ACOX3: variants seen among roughly 807,000 people sequenced by gnomAD.
The protein encoded by ACOX3 is acyl-CoA oxidase 3, pristanoyl.
ACOX3 carries 73 observed loss-of-function variants against 81.5 expected under a neutral mutation model. The observed-to-expected ratio is 0.90, with a 90% CI of 0.74 to 1.09. The LOEUF is 1.09. Ranked by LOEUF, ACOX3 falls within the 50% of genes least tolerant of loss-of-function variation. The pLI is 0.00. For missense variants in ACOX3, 947 were observed against 928.0 expected, an observed-to-expected ratio of 1.02 and a Z score of -0.27; for synonymous variants, 387 against 375.1, an observed-to-expected ratio of 1.03 and a Z score of -0.37.
chr4:8,439,768 G>A (rs963707824), intron 1 of ACOX3, among the ~76,000 whole-genome samples: 4 of 152,158 alleles, frequency 2.6e-5, no homozygotes, highest in African/African-American at 9.7e-5. Flanking sequence ...CTATCACTCT[G>A]TCTCCCAAAG....
In ACOX3 at chr4:8,366,849, G is replaced by C. The variant is rs1715508251; in HGVS notation, c.*112C>G. 1.4e-6 allele frequency: 2 copies of C among 1,468,742 alleles called. No homozygotes were observed. Among genetic ancestry groups the C allele is most frequent in the Admixed American group, 1.8e-5 (1 of 56,138 alleles). 91.0% of individuals were successfully genotyped at this position (1,468,742 alleles called of 1,614,324 possible). ...ATCAGCAGTTTAGGCGCACAGGTGC[G>C]GGCTCAGAAAGCAGCAGCAATCTCC... On this transcript the variant is annotated 3_prime_UTR_variant, in exon 18 of 18. Coordinates refer to ENST00000356406, the MANE Select transcript of ACOX3 (RefSeq NM_003501.3).
Position 8,367,001 on chromosome 4 carries a change from A to G in ACOX3, c.2063T>C (p.Val688Ala), listed in dbSNP as rs767393082. The G allele has an allele frequency of 4.3e-6, 7 of 1,614,158 alleles. No individual in the cohort carries two copies. In the South Asian group the frequency reaches 7.7e-5, roughly 18 times the overall value. ...CAGACTTCCTATGACAGGTTTGTTC[A>G]CAGAAAACTCTGGCCACCAGGATGC... ...ERASWWPEFS[V>A]NKPVIGSLKS... The change falls in exon 18 of 18, where the codon GTG (valine) becomes GCG (alanine). Residue 688 changes from valine (V) to alanine (A), a missense_variant. Physicochemically the swap from Val to Ala is moderately conservative, Grantham distance 64 (BLOSUM62 0). Transcript: ENST00000356406.
At chr4:8,391,738 G>T (rs765782774) in intron 11 of ACOX3, among the ~76,000 whole-genome samples, 29 of 152,198 alleles carry the variant, frequency 1.9e-4, no homozygotes, top group Non-Finnish European at 3.8e-4. Context: ...ACTGAGCACA[G>T]TGAGGTTAAG....
At chr4:8,371,239 A>C (rs1447179527) in intron 16 of ACOX3, among the ~76,000 whole-genome samples, 3 of 152,220 alleles carry the variant, frequency 2.0e-5, no homozygotes, top group African/African-American at 7.2e-5. Flanking sequence ...CTTCCCAACA[A>C]GGTAGAAAAG....
chr4:8,395,516 C>T lies in ACOX3; in HGVS notation c.1057-774G>A, dbSNP rs561325000. On this transcript the variant is annotated intron_variant, in intron 9 of 17. Coordinates refer to ENST00000356406, the MANE Select transcript of ACOX3 (RefSeq NM_003501.3). ...TGTCAAGAGTGCTGAGCAGACATGGCGCCAGCTGCCTCCATGCCCTAACTT... is the reference window on the plus strand; with the variant it reads ...TGTCAAGAGTGCTGAGCAGACATGGTGCCAGCTGCCTCCATGCCCTAACTT... Among the ~76,000 whole-genome samples the T allele has an allele frequency of 1.9e-4, 29 of 152,342 alleles. 1 individual carries two copies. Among genetic ancestry groups the T allele is most frequent in the African/African-American group, 7.0e-4 (29 of 41,578 alleles).
intron 14 of ACOX3, among the ~76,000 whole-genome samples, chr4:8,377,869 C>A (rs368000436): frequency 1.3e-5 from 2 of 152,212 alleles, no homozygotes; most frequent in African/African-American, 4.8e-5. Context: ...CCCACAGCTA[C>A]GGTTAGGGCT....
rs941230195 is a variant in ACOX3, at chr4:8,394,884, G to A, written c.1057-142C>T. On this transcript the variant is annotated intron_variant, in intron 9 of 17. Coordinates refer to ENST00000356406, the MANE Select transcript of ACOX3 (RefSeq NM_003501.3). The surrounding 1 kb of genome is among the most constrained non-coding windows in gnomAD (Gnocchi z 5.9). The stretch of plus-strand genomic sequence containing the variant: ...GCTGAAGGTCTTCACATGTCTTCCC[G>A]GCACATCAGAAAGCCTTCACCCTGA... The A allele has an allele frequency of 2.1e-5, 24 of 1,155,552 alleles. No individual in the cohort carries two copies. Among genetic ancestry groups the A allele is most frequent in the Non-Finnish European group, 2.4e-5 (20 of 847,874 alleles). 71.6% of individuals were successfully genotyped at this position (1,155,552 alleles called of 1,614,324 possible). A position where few individuals can be genotyped will look rare whatever the true frequency, so the allele number is the denominator to read the frequency against.
At chr4:8,390,513 A>G (rs1568694) in intron 11 of ACOX3, among the ~76,000 whole-genome samples, 18,849 of 152,206 alleles carry the variant, frequency 0.12, 1,913 homozygotes, top group African/African-American at 0.28. Context: ...CCCCAGGGCT[A>G]CCCTTCTTCC....
At chr4:8,361,104 T>G in the ACOX3 span, among the ~76,000 whole-genome samples, 1 of 152,178 alleles carries the variant, frequency 6.6e-6, no homozygotes, top group African/African-American at 2.4e-5. Flanking sequence ...AAATGTGGAT[T>G]TTTCTTACCT....
chr4:8,422,517 C>T (rs1723056467), intron 1 of ACOX3, among the ~76,000 whole-genome samples: 1 of 152,112 alleles, frequency 6.6e-6, no homozygotes, highest in South Asian at 2.1e-4. Flanking sequence ...GAGGAGCAGG[C>T]AGAACAGGAC....
intron 1 of ACOX3, 84 bp downstream of exon 1, chr4:8,440,564 C>G: frequency 2.3e-6 from 1 of 442,758 alleles, no homozygotes; most frequent in Non-Finnish European, 3.9e-6. Context: ...TCCACACCCG[C>G]TGGCTGGCTG....
In ACOX3 at chr4:8,374,746, T is replaced by C. The variant is rs141867556; in HGVS notation, c.1828+232A>G. 483 of 442,862 alleles carry C rather than the reference T, an allele frequency of 1.1e-3. 5 individuals are homozygous for C. In the East Asian group the frequency reaches 0.015, roughly 14 times the overall value. The allele number at this position is 442,862 out of a possible 1,614,324, so 27.4% of individuals were successfully genotyped here. ...GAGGGGGCCTTCTGGAAGTGTTCTC[T>C]GAACCGAACCCCAAGTGAAAGAAAA... On this transcript the variant is annotated intron_variant, in intron 15 of 17. Coordinates refer to ENST00000356406, the MANE Select transcript of ACOX3 (RefSeq NM_003501.3).
chr4:8,371,135 G>A (rs1320175916), intron 16 of ACOX3, 141 bp from the exon 17 acceptor site: 13 of 696,866 alleles, frequency 1.9e-5, no homozygotes, highest in Admixed American at 4.3e-5. Context: ...CTGCCCATGC[G>A]TGATCTCTTC....
chr4:8,437,628 G>A lies in ACOX3; in HGVS notation c.-15+3020C>T, dbSNP rs931995504. On this transcript the variant is annotated intron_variant, in intron 1 of 17. Coordinates refer to ENST00000356406, the MANE Select transcript of ACOX3 (RefSeq NM_003501.3). The surrounding 1 kb of genome is among the most constrained non-coding windows in gnomAD (Gnocchi z 5.2). ...TAGCAATGCGAGAGGACGTGGACACGGATGTAGACGTGGAAGAAGTCAAGT... is the reference window on the plus strand; with the variant it reads ...TAGCAATGCGAGAGGACGTGGACACAGATGTAGACGTGGAAGAAGTCAAGT... Among the ~76,000 whole-genome samples the A allele has an allele frequency of 9.9e-5, 15 of 152,250 alleles. No individual in the cohort carries two copies. Among genetic ancestry groups the A allele is most frequent in the Non-Finnish European group, 1.6e-4 (11 of 68,044 alleles).
In ACOX3 at chr4:8,399,551, T is replaced by C. The variant is rs775897649; in HGVS notation, c.873+5A>G. The stretch of plus-strand genomic sequence containing the variant: ...CGGCACACGAACGGCCCCCCATGCC[T>C]GTACCTTAAAGGGGCTGACATAGGT... On this transcript the variant is annotated splice_donor_5th_base_variant and intron_variant, in intron 8 of 17. Coordinates refer to ENST00000356406, the MANE Select transcript of ACOX3 (RefSeq NM_003501.3). The surrounding 1 kb of genome is among the most constrained non-coding windows in gnomAD (Gnocchi z 4.9). 1 of 1,611,290 alleles carries C rather than the reference T, an allele frequency of 6.2e-7. No homozygotes were observed. The highest frequency in any genetic ancestry group is 1.1e-5 in the South Asian group (1 of 91,012).
At chr4:8,390,573 C>T (rs1241362353) in intron 11 of ACOX3, among the ~76,000 whole-genome samples, 1 of 152,240 alleles carries the variant, frequency 6.6e-6, no homozygotes, top group African/African-American at 2.4e-5. Context: ...TTCAAGATAA[C>T]TGTTTTTTGT....
Position 8,414,289 on chromosome 4 carries a change from T to G in ACOX3, c.543+3A>C. The stretch of plus-strand genomic sequence containing the variant: ...CAGGGACCCGGGGGAAGGTAATACC[T>G]ACCTCAGTGGCAGGATCGTAGTGGG... On this transcript the variant is annotated splice_donor_region_variant and intron_variant, in intron 5 of 17. Coordinates refer to ENST00000356406, the MANE Select transcript of ACOX3 (RefSeq NM_003501.3). The surrounding 1 kb of genome is among the most constrained non-coding windows in gnomAD (Gnocchi z 6.1). 4.3e-6 allele frequency: 7 copies of G among 1,613,176 alleles called. No homozygotes were observed. Among genetic ancestry groups the G allele is most frequent in the Non-Finnish European group, 5.9e-6 (7 of 1,179,154 alleles).
the ACOX3 span, chr4:8,356,624 C>T: frequency 4.4e-6 from 2 of 456,154 alleles, no homozygotes; most frequent in Admixed American, 2.4e-5. Context: ...ATGATCCCGG[C>T]AGGTGAGAGG....
Position 8,389,906 on chromosome 4 carries a change from AC to A in ACOX3, c.1301-173del, listed in dbSNP as rs1431585333. Among the ~76,000 whole-genome samples the A allele has an allele frequency of 6.6e-6, 1 of 152,090 alleles. No homozygotes were observed. Among genetic ancestry groups the A allele is most frequent in the East Asian group, 1.9e-4 (1 of 5,196 alleles). ...GATCACTTGAAGCCAGGTGTTCAAG[AC>A]CAGCCTGACCAACATGGTGAAACCC... On this transcript the variant is annotated intron_variant, in intron 11 of 17. Coordinates refer to ENST00000356406, the MANE Select transcript of ACOX3 (RefSeq NM_003501.3). This position sits in a 1 kb window ranked among gnomAD's most constrained non-coding sequence, Gnocchi z 5.3.
Sources: gnomAD v4.1 joint callset for allele counts (sites outside exome capture counted in the v4.1 genomes callset) on GRCh38, gnomAD v4.1.1 for gene constraint, Gnocchi (gnomAD v3.1) non-coding constraint, MANE v1.5 for transcripts, NCBI Gene and HGNC (gene_info 2026-07-23, HGNC 2026-07-21) for gene names.